The following SNTG1 variants were observed in gnomAD, a reference collection of about 807,000 sequenced individuals.
SNTG1 encodes the protein gamma-1-syntrophin.
SNTG1 carries 39 observed loss-of-function variants against 74.7 expected under a neutral mutation model. The observed-to-expected ratio is 0.52, with a 90% CI of 0.40 to 0.68. The LOEUF is 0.68. Ranked by LOEUF, SNTG1 falls within the 30% of genes least tolerant of loss-of-function variation. SNTG1 has a pLI of 0.00. For missense variants in SNTG1, 685 were observed against 609.5 expected (o/e 1.12, Z -1.30); for synonymous variants, 254 against 217.1 (o/e 1.17, Z -1.49).
At chr8:50,786,572 C>A (rs1347794866) in intron 18 of SNTG1, among the ~76,000 whole-genome samples, 1 of 151,736 alleles carries the variant, frequency 6.6e-6, no homozygotes, top group Non-Finnish European at 1.5e-5. Context: ...TTGGAGAGAA[C>A]CCCCAGTTCC....
At chr8:50,101,972 G>T (rs1027200288) in intron 1 of SNTG1, among the ~76,000 whole-genome samples, 1 of 151,894 alleles carries the variant, frequency 6.6e-6, no homozygotes. Context: ...TGGATATTTG[G>T]GTTGGTTCCA....
At chr8:50,621,621 A>G (rs978677117) in intron 13 of SNTG1, among the ~76,000 whole-genome samples, 1 of 152,172 alleles carries the variant, frequency 6.6e-6, no homozygotes, top group East Asian at 1.9e-4. Flanking sequence ...AAAAGAAACT[A>G]TTGATTTGTA....
chr8:50,098,220 T>C (rs562848742), intron 1 of SNTG1, among the ~76,000 whole-genome samples: 74 of 152,322 alleles, frequency 4.9e-4, no homozygotes, highest in Admixed American at 1.4e-3. Flanking sequence ...TTCATCTTGC[T>C]GGTCAAGAAA....
chr8:50,542,067 G>A (rs369184652), intron 11 of SNTG1, among the ~76,000 whole-genome samples: 1 of 145,396 alleles, frequency 6.9e-6, no homozygotes, highest in African/African-American at 2.6e-5. Flanking sequence ...TATGAATGTA[G>A]TATATGTATA....
intron 12 of SNTG1, among the ~76,000 whole-genome samples, chr8:50,588,024 G>A (rs544250926): frequency 7.6e-4 from 116 of 151,906 alleles, no homozygotes; most frequent in Non-Finnish European, 1.5e-3. Context: ...ACAGGCTGAG[G>A]CAGGAGAATC....
chr8:50,619,348 A>C (rs16915097), intron 13 of SNTG1, among the ~76,000 whole-genome samples: 34,362 of 152,114 alleles, frequency 0.23, 8,691 homozygotes, highest in African/African-American at 0.62. Flanking sequence ...GTACCTATTT[A>C]TCTGCTTTCT....
intron 2 of SNTG1, among the ~76,000 whole-genome samples, chr8:50,222,013 A>G (rs539396634): frequency 9.3e-4 from 142 of 152,228 alleles, no homozygotes; most frequent in African/African-American, 3.3e-3. Context: ...AGGAGATGCA[A>G]TCTTAGGGGT....
intron 15 of SNTG1, among the ~76,000 whole-genome samples, chr8:50,684,757 T>G (rs1043353387): frequency 6.7e-6 from 1 of 149,838 alleles, no homozygotes; most frequent in South Asian, 2.1e-4. Flanking sequence ...TTTATTATAC[T>G]TTATCTTTTA....
At chr8:50,599,129 G>A (rs528604844) in intron 13 of SNTG1, among the ~76,000 whole-genome samples, 6 of 151,904 alleles carry the variant, frequency 3.9e-5, no homozygotes, top group South Asian at 2.1e-4. Context: ...TGTCATTTCC[G>A]CCAATGTATA....
chr8:50,081,412 C>A (rs557720539), intron 1 of SNTG1, among the ~76,000 whole-genome samples: 2 of 150,788 alleles, frequency 1.3e-5, no homozygotes, highest in African/African-American at 4.9e-5. Context: ...GTCTTTATTC[C>A]GTTTGGCATT....
intron 9 of SNTG1, among the ~76,000 whole-genome samples, chr8:50,521,249 C>T (rs2094177073): frequency 6.6e-6 from 1 of 152,002 alleles, no homozygotes; most frequent in African/African-American, 2.4e-5. Flanking sequence ...AGGGGAACAT[C>T]ACACACCAAG....
At chr8:50,783,365 T>C (rs1390541008) in intron 18 of SNTG1, among the ~76,000 whole-genome samples, 1 of 152,258 alleles carries the variant, frequency 6.6e-6, no homozygotes, top group Admixed American at 6.5e-5. Context: ...TTGAGCTTCC[T>C]GGCTGCTTTG....
chr8:50,062,890 G>C (rs1820595904), intron 1 of SNTG1, among the ~76,000 whole-genome samples: 1 of 152,118 alleles, frequency 6.6e-6, no homozygotes, highest in South Asian at 2.1e-4. Flanking sequence ...CTTGCATTGT[G>C]AATCTAGTCA....
intron 1 of SNTG1, among the ~76,000 whole-genome samples, chr8:50,068,342 A>G (rs1372865777): frequency 6.6e-6 from 1 of 152,082 alleles, no homozygotes; most frequent in East Asian, 1.9e-4. Context: ...TTGCCACCGG[A>G]CTTGTACTTT....
At chr8:49,957,419 A>C (rs184526832) in intron 1 of SNTG1, among the ~76,000 whole-genome samples, 2 of 152,100 alleles carry the variant, frequency 1.3e-5, no homozygotes, top group Admixed American at 1.3e-4. Context: ...ATGTTCCTTT[A>C]CTTCATTATT....
chr8:49,957,598 A>G (rs1329227101), intron 1 of SNTG1, among the ~76,000 whole-genome samples: 1 of 152,210 alleles, frequency 6.6e-6, no homozygotes, highest in Non-Finnish European at 1.5e-5. Context: ...GAATGCAGAG[A>G]ACCCTCGATT....
chr8:50,531,473 A>G (rs1208924418), intron 10 of SNTG1, among the ~76,000 whole-genome samples: 2 of 152,012 alleles, frequency 1.3e-5, no homozygotes, highest in Non-Finnish European at 2.9e-5. Flanking sequence ...CAAATTTTTT[A>G]CCTCTTTATT....
intron 2 of SNTG1, among the ~76,000 whole-genome samples, chr8:50,226,955 CA>C (rs547594835): frequency 6.6e-6 from 1 of 152,048 alleles, no homozygotes; most frequent in South Asian, 2.1e-4. Context: ...GAATATTTAC[CA>C]AAAAAATTTT....
chr8:50,354,367 CAT>C (rs2091756866), intron 2 of SNTG1, among the ~76,000 whole-genome samples: 1 of 152,138 alleles, frequency 6.6e-6, no homozygotes, highest in Non-Finnish European at 1.5e-5. Context: ...AACATCATCA[CAT>C]AGAGTTGGAA....
Sources: allele counts gnomAD v4.1 joint callset (sites outside exome capture counted in the v4.1 genomes callset), GRCh38; gene constraint gnomAD v4.1.1; transcripts MANE v1.5; gene names NCBI Gene and HGNC (gene_info 2026-07-23, HGNC 2026-07-21).